GPR173: variants seen among roughly 807,000 people sequenced by gnomAD.
The protein encoded by GPR173 is G protein-coupled receptor 173.
GPR173 carries 2 observed loss-of-function variants against 13.9 expected under a neutral mutation model. The ratio of observed to expected loss-of-function variants is 0.14; its 90% CI spans 0.06 to 0.45. The LOEUF (loss-of-function observed/expected upper bound fraction) is 0.45. Among genes scored for constraint, GPR173 ranks in the 20% least tolerant of loss-of-function variants. GPR173 has a pLI of 0.98. For missense variants in GPR173, 202 were observed against 340.5 expected, an observed-to-expected ratio of 0.59 and a Z score of 3.20; for synonymous variants, 131 against 141.0, an observed-to-expected ratio of 0.93 and a Z score of 0.50.
intron 1 of GPR173, among the ~76,000 whole-genome samples, chrX:53,065,925 C>T (rs921878089): frequency 1.1e-4 from 12 of 109,673 alleles, no homozygotes; most frequent in Non-Finnish European, 1.5e-4. Flanking sequence ...CGTGACGAAA[C>T]CCTGTCTCTA....
chrX:53,050,361 T>C (rs933628038), intron 1 of GPR173, among the ~76,000 whole-genome samples: 2 of 112,062 alleles, frequency 1.8e-5, no homozygotes, highest in Non-Finnish European at 3.8e-5. Context: ...CAGATGTCCA[T>C]GTTGTGTCTG....
At chrX:53,063,021 C>T (rs1299621121) in intron 1 of GPR173, among the ~76,000 whole-genome samples, 1 of 110,450 alleles carries the variant, frequency 9.1e-6, no homozygotes, top group Non-Finnish European at 1.9e-5. Flanking sequence ...GTTGCACATT[C>T]GTGGTCCTGT....
At position 53,074,178 on chromosome X, in the gene GPR173, G is replaced by T. The variant is rs868926026; in HGVS notation, c.-97-2347G>T. Among the ~76,000 whole-genome samples, 100 of 91,666 alleles carry T rather than the reference G, an allele frequency of 1.1e-3. 9 individuals are homozygous for T. Among genetic ancestry groups the T allele is most frequent in the African/African-American group, 4.0e-3 (82 of 20,276 alleles). The allele number at this position is 91,666 out of a possible 115,157, so 79.6% of individuals were successfully genotyped here. A position where few individuals can be genotyped will look rare whatever the true frequency, so the allele number is the denominator to read the frequency against. ...TATAGAAATATATATAAATATACAT[G>T]TATATTTATTCATATAGAAATATAT... On this transcript the variant is annotated intron_variant, in intron 1 of 1. Coordinates refer to ENST00000332582, the MANE Select transcript of GPR173 (RefSeq NM_018969.6).
chrX:53,065,481 A>G (rs1447659009), intron 1 of GPR173: 4 of 111,934 alleles, frequency 3.6e-5, no homozygotes, highest in African/African-American at 1.3e-4. Flanking sequence ...GAAATGGAAC[A>G]ACTGCTTATT....
intron 1 of GPR173, among the ~76,000 whole-genome samples, chrX:53,060,711 G>A (rs1932112187): frequency 9.3e-6 from 1 of 107,376 alleles, no homozygotes; most frequent in South Asian, 4.2e-4. Context: ...CCCGTCTCTG[G>A]TTGTGCATAG....
At chrX:53,070,201 T>C (rs1477027600) in intron 1 of GPR173, among the ~76,000 whole-genome samples, 1 of 111,778 alleles carries the variant, frequency 8.9e-6, no homozygotes, top group African/African-American at 3.3e-5. Context: ...ATTGGGTCAA[T>C]GAGTATATAT....
At chrX:53,059,971 G>A (rs1298711318) in intron 1 of GPR173, among the ~76,000 whole-genome samples, 3 of 105,054 alleles carry the variant, frequency 2.9e-5, no homozygotes, top group Admixed American at 2.1e-4. Context: ...CTGGGCGACA[G>A]AGCGAGACCC....
rs111320267 is a variant in GPR173, at chrX:53,079,589, C to CTGTG, written c.*1859_*1862dup. On this transcript the variant is annotated 3_prime_UTR_variant, in exon 2 of 2. Coordinates refer to ENST00000332582, the MANE Select transcript of GPR173 (RefSeq NM_018969.6). ...TATACTGGATGTTTTCTCTTTCTGACTGTGTGTGTGTGTGTGCGTGCGTGC... is the reference window on the plus strand; with the variant it reads ...TATACTGGATGTTTTCTCTTTCTGACTGTGTGTGTGTGTGTGTGTGCGTGCGTGC... 0.02 allele frequency: 2,304 copies of CTGTG among 117,370 alleles called. 27 individuals are homozygous for CTGTG. The highest frequency in any genetic ancestry group is 0.04 in the African/African-American group (1,171 of 29,191). 9.7% of individuals were successfully genotyped at this position (117,370 alleles called of 1,213,427 possible).
rs1261750977 is a variant in GPR173 at position 53,077,547 on chromosome X, G to A, written c.926G>A (p.Arg309Gln). 2.5e-6 allele frequency: 3 copies of A among 1,209,953 alleles called. No homozygotes were observed. The highest frequency in any genetic ancestry group is 3.4e-6 in the Non-Finnish European group (3 of 894,636). The change falls in exon 2 of 2, where the codon CGA becomes CAA. Residue 309 changes from arginine (R) to glutamine (Q), a missense_variant. Physicochemically the swap from Arg to Gln is conservative, Grantham distance 43. This residue lies in a region of GPR173 where 76 missense variants were observed against 116.3 expected (regional missense o/e 0.65). Transcript: ENST00000332582. ...CCCTACATCGTGGCCTGCTACTGGC[G>A]AGTGTTTGTGAAAGCCTGTGCTGTG... ...WSPYIVACYWRVFVKACAVPH... is the reference protein window; with the variant it reads ...WSPYIVACYWQVFVKACAVPH...
intron 1 of GPR173, among the ~76,000 whole-genome samples, chrX:53,073,546 T>C (rs782510084): frequency 3.1e-4 from 34 of 108,893 alleles, no homozygotes; most frequent in African/African-American, 1.1e-3. Context: ...TTGTAGCTAA[T>C]CCTGCCTGGA....
chrX:53,074,789 A>G (rs1422309909), intron 1 of GPR173, among the ~76,000 whole-genome samples: 1 of 96,847 alleles, frequency 1.0e-5, no homozygotes, highest in African/African-American at 3.7e-5. Flanking sequence ...TTTTTATATT[A>G]TAAAATTATA....
Position 53,063,841 on chromosome X carries a change from G to A in GPR173, c.-97-12684G>A, listed in dbSNP as rs782629140. On this transcript the variant is annotated intron_variant, in intron 1 of 1. Transcript: ENST00000332582. Reference sequence around the variant, plus strand: ...CAATACCTTATTTCTCATTTCCATCGGAGACCTCATCAAAATGGCCTTTAC... The same window carrying A: ...CAATACCTTATTTCTCATTTCCATCAGAGACCTCATCAAAATGGCCTTTAC... Among the ~76,000 whole-genome samples the A allele has an allele frequency of 8.1e-5, 9 of 111,198 alleles. No homozygotes were observed. In the East Asian group the frequency reaches 1.7e-3, roughly 21 times the overall value.
chrX:53,068,007 T>C (rs782549431), intron 1 of GPR173, among the ~76,000 whole-genome samples: 1 of 112,035 alleles, frequency 8.9e-6, no homozygotes, highest in East Asian at 2.8e-4. Context: ...CAATCACAAG[T>C]AAATCAATCA....
intron 1 of GPR173, among the ~76,000 whole-genome samples, chrX:53,074,713 A>T (rs1932396969): frequency 1.1e-5 from 1 of 91,197 alleles, no homozygotes; most frequent in Non-Finnish European, 2.1e-5. Context: ...ATATATATTT[A>T]TATTTATTTA....
chrX:53,073,494 G>C (rs1263982776), intron 1 of GPR173, among the ~76,000 whole-genome samples: 2 of 110,080 alleles, frequency 1.8e-5, no homozygotes, highest in Non-Finnish European at 3.8e-5. Context: ...CTGCAGCTTT[G>C]CTGCGCTGCT....
chrX:53,059,244 G>A (rs782753649), intron 1 of GPR173, among the ~76,000 whole-genome samples: 1 of 105,683 alleles, frequency 9.5e-6, no homozygotes, highest in South Asian at 4.4e-4. Flanking sequence ...GCAAGACTCC[G>A]TCTCAAAAAA....
intron 1 of GPR173, among the ~76,000 whole-genome samples, chrX:53,061,973 A>AGAAGGGAAGG (rs1569221893): frequency 1.2e-5 from 1 of 86,498 alleles, no homozygotes; most frequent in African/African-American, 6.3e-5. Flanking sequence ...GAGAGAGAAG[A>AGAAGGGAAGG]GAAGGGAAGG....
intron 1 of GPR173, among the ~76,000 whole-genome samples, chrX:53,071,892 C>G (rs782154594): frequency 9.9e-5 from 11 of 111,129 alleles, no homozygotes; most frequent in Non-Finnish European, 2.1e-4. Context: ...TGCGTGCGCA[C>G]GCGTTCCTCA....
At chrX:53,059,094 A>G (rs904966589) in intron 1 of GPR173, among the ~76,000 whole-genome samples, 6 of 106,092 alleles carry the variant, frequency 5.7e-5, no homozygotes, top group Non-Finnish European at 1.2e-4. Context: ...CTAAAAATAC[A>G]ACAAATTAGC....
Sources: gnomAD v4.1 joint callset for allele counts (sites outside exome capture counted in the v4.1 genomes callset) on GRCh38, gnomAD v4.1.1 for gene constraint, gnomAD v4.1.1 regional missense constraint, MANE v1.5 for transcripts, NCBI Gene and HGNC (gene_info 2026-07-23, HGNC 2026-07-21) for gene names.